MAGI2: variants seen among roughly 807,000 people sequenced by gnomAD.
The protein encoded by MAGI2 is membrane associated guanylate kinase, WW and PDZ domain containing 2.
A neutral mutation model predicts 133.3 loss-of-function variants in MAGI2; 35 were observed. The ratio of observed to expected loss-of-function variants is 0.26; its 90% CI spans 0.20 to 0.35. The LOEUF (loss-of-function observed/expected upper bound fraction) is 0.35. MAGI2 is among the 10% of genes least tolerant of loss of function. The pLI, the probability that MAGI2 is intolerant of heterozygous loss-of-function variation, is 1.00. For missense variants in MAGI2, 1,636 were observed against 1,863.4 expected (o/e 0.88, Z 2.25); for synonymous variants, 729 against 710.6 (o/e 1.03, Z -0.41).
chr7:78,019,687 G>T lies in MAGI2; in HGVS notation c.3996C>A (p.Pro1332=). Residue 1332 remains proline, a synonymous_variant, in exon 22 of 22, where the codon CCC becomes CCA. Transcript: ENST00000354212. ...CGGCCTCGGGCCGCCCCTGGCCGCC[G>T]GGCGCCTCCTCGAGCCTCGGCCGCG... ...RAARPRLEEA[P]GGQGRPEAGR... is the part of the protein sequence containing the mutation. 6.7e-7 allele frequency: 1 copy of T among 1,481,636 alleles called. No individual in the cohort carries two copies. The highest frequency in any genetic ancestry group is 8.9e-7 in the Non-Finnish European group (1 of 1,124,016). The allele number at this position is 1,481,636 out of a possible 1,614,324, so 91.8% of individuals were successfully genotyped here.
chr7:79,016,309 C>A (rs779548864), intron 1 of MAGI2, among the ~76,000 whole-genome samples: 19 of 152,044 alleles, frequency 1.2e-4, no homozygotes, highest in Non-Finnish European at 2.2e-4. Context: ...TGAGGCTGGG[C>A]CAGTCCGACC....
At position 78,248,777 on chromosome 7, in the gene MAGI2, A is replaced by T. The variant is rs914088611; in HGVS notation, c.2047+7166T>A. Among the ~76,000 whole-genome samples, 6 of 152,270 alleles carry T rather than the reference A, an allele frequency of 3.9e-5. No homozygotes were observed. In the East Asian group the frequency reaches 1.2e-3, roughly 29 times the overall value. On this transcript the variant is annotated intron_variant, in intron 10 of 21. Coordinates refer to ENST00000354212, the MANE Select transcript of MAGI2 (RefSeq NM_012301.4). ...CAAAACTATAAAGGTACTATAGTAA[A>T]ACATGTGGAGATACTTCATGATATT... is the stretch of plus-strand genomic sequence containing the variant.
chr7:79,262,889 G>A (rs1834182852), intron 1 of MAGI2, among the ~76,000 whole-genome samples: 1 of 152,144 alleles, frequency 6.6e-6, no homozygotes, highest in African/African-American at 2.4e-5. Context: ...AGGTTTGAGA[G>A]GTGCCTTTTC....
At chr7:78,530,855 A>G (rs1418912336) in intron 3 of MAGI2, among the ~76,000 whole-genome samples, 1 of 152,192 alleles carries the variant, frequency 6.6e-6, no homozygotes, top group African/African-American at 2.4e-5. Flanking sequence ...AATAGGCTTC[A>G]TAGGCTCCAT....
At chr7:78,898,350 A>C (rs1019981840) in intron 2 of MAGI2, among the ~76,000 whole-genome samples, 1 of 152,226 alleles carries the variant, frequency 6.6e-6, no homozygotes, top group East Asian at 1.9e-4. Context: ...AGGCACATGC[A>C]TGCATATGTT....
intron 9 of MAGI2, among the ~76,000 whole-genome samples, chr7:78,326,242 C>T (rs1194022083): frequency 6.6e-6 from 1 of 152,216 alleles, no homozygotes. Context: ...CACTTTTGCA[C>T]ACAATATTCT....
intron 2 of MAGI2, among the ~76,000 whole-genome samples, chr7:78,748,109 G>C (rs950241405): frequency 7.3e-5 from 11 of 151,544 alleles, no homozygotes; most frequent in Admixed American, 7.2e-4. Flanking sequence ...CTTTTCCACT[G>C]AGTAAGCCCA....
intron 1 of MAGI2, chr7:79,412,368 C>G (rs1409444990): frequency 6.6e-6 from 1 of 152,050 alleles, no homozygotes; most frequent in African/African-American, 2.4e-5. Flanking sequence ...CTCCTGTTTT[C>G]TACAACAGAA....
At chr7:78,108,894 T>C (rs1166239519) in intron 20 of MAGI2, among the ~76,000 whole-genome samples, 1 of 152,042 alleles carries the variant, frequency 6.6e-6, no homozygotes, top group African/African-American at 2.4e-5. Flanking sequence ...ACATGATATA[T>C]TATCAATATA....
chr7:78,251,239 G>C (rs190828292), intron 10 of MAGI2, among the ~76,000 whole-genome samples: 29 of 152,236 alleles, frequency 1.9e-4, no homozygotes, highest in South Asian at 1.7e-3. Context: ...TTCTCAACCT[G>C]ATAAAGGGCA....
chr7:78,343,245 C>T (rs1164009025), intron 9 of MAGI2, among the ~76,000 whole-genome samples: 1 of 152,094 alleles, frequency 6.6e-6, no homozygotes, highest in Admixed American at 6.6e-5. Flanking sequence ...TTTGAGTAGA[C>T]ATCTGAGTAA....
intron 2 of MAGI2, among the ~76,000 whole-genome samples, chr7:78,808,991 T>C (rs1788819184): frequency 6.6e-6 from 1 of 152,230 alleles, no homozygotes; most frequent in Non-Finnish European, 1.5e-5. Context: ...GCCCAGATTC[T>C]TTCATGTTCT....
intron 6 of MAGI2, among the ~76,000 whole-genome samples, chr7:78,391,501 G>T (rs1795897196): frequency 6.6e-6 from 1 of 152,134 alleles, no homozygotes; most frequent in African/African-American, 2.4e-5. Context: ...GCTTTTGACA[G>T]CATCAGAAAG....
intron 1 of MAGI2, among the ~76,000 whole-genome samples, chr7:79,378,380 C>T (rs1457861945): frequency 2.0e-5 from 3 of 151,664 alleles, no homozygotes; most frequent in Non-Finnish European, 2.9e-5. Context: ...ACTGCTTTTC[C>T]GATGAGGACA....
chr7:78,047,791 G>A (rs1210807651), intron 21 of MAGI2, among the ~76,000 whole-genome samples: 1 of 152,196 alleles, frequency 6.6e-6, no homozygotes, highest in East Asian at 1.9e-4. Context: ...CTCTTGGGAA[G>A]ACACCTTACA....
chr7:78,937,123 T>C (rs985345893), intron 2 of MAGI2, among the ~76,000 whole-genome samples: 4 of 151,040 alleles, frequency 2.6e-5, no homozygotes, highest in African/African-American at 9.7e-5. Flanking sequence ...TGCCAGAAAA[T>C]ATAAACGTGC....
chr7:79,056,647 C>A (rs1045176656), intron 1 of MAGI2, among the ~76,000 whole-genome samples: 1 of 152,090 alleles, frequency 6.6e-6, no homozygotes, highest in Non-Finnish European at 1.5e-5. Context: ...AAAGTGAATG[C>A]CATTGTTTAA....
At chr7:79,073,008 A>C (rs1188479390) in intron 1 of MAGI2, among the ~76,000 whole-genome samples, 12 of 152,162 alleles carry the variant, frequency 7.9e-5, no homozygotes, top group Non-Finnish European at 2.9e-5. Flanking sequence ...TCTTTTCTGT[A>C]GGAGAGTCAA....
At chr7:79,374,984 G>C (rs771470068) in intron 1 of MAGI2, among the ~76,000 whole-genome samples, 1 of 151,822 alleles carries the variant, frequency 6.6e-6, no homozygotes, top group Non-Finnish European at 1.5e-5. Flanking sequence ...TGCTGAGTGG[G>C]CACTCAATAA....
Sources: gnomAD v4.1 joint callset for allele counts (sites outside exome capture counted in the v4.1 genomes callset) on GRCh38, gnomAD v4.1.1 for gene constraint, MANE v1.5 for transcripts, NCBI Gene and HGNC (gene_info 2026-07-23, HGNC 2026-07-21) for gene names.